The following PTPRD variants were observed in gnomAD, a reference collection of about 807,000 sequenced individuals.
The protein encoded by PTPRD is protein tyrosine phosphatase receptor type D.
Under a neutral mutation model 214.5 loss-of-function variants are expected in PTPRD, and 34 were observed. The ratio of observed to expected loss-of-function variants is 0.16; its 90% CI spans 0.12 to 0.21. PTPRD has a LOEUF of 0.21. Ranked by LOEUF, PTPRD falls within the 10% of genes least tolerant of loss-of-function variation. The pLI, the probability that PTPRD is intolerant of heterozygous loss-of-function variation, is 1.00. For missense variants in PTPRD, 2,545 were observed against 2,398.7 expected, an observed-to-expected ratio of 1.06 and a Z score of -1.27; for synonymous variants, 1,128 against 845.7, an observed-to-expected ratio of 1.33 and a Z score of -5.79.
intron 35 of PTPRD, among the ~76,000 whole-genome samples, chr9:8,425,038 T>A (rs1012689341): frequency 6.6e-6 from 1 of 152,190 alleles, no homozygotes; most frequent in Admixed American, 6.6e-5. Flanking sequence ...CATGGTGGTG[T>A]GCCCAACATT....
intron 2 of PTPRD, among the ~76,000 whole-genome samples, chr9:10,401,171 C>T (rs1038386112): frequency 6.6e-6 from 1 of 151,612 alleles, no homozygotes; most frequent in Non-Finnish European, 1.5e-5. Flanking sequence ...TAAAAATGAC[C>T]GTTTTCTTTT....
chr9:8,710,754 T>C (rs1475123072), intron 12 of PTPRD, among the ~76,000 whole-genome samples: 1 of 152,216 alleles, frequency 6.6e-6, no homozygotes, highest in Non-Finnish European at 1.5e-5. Context: ...ATTAGTATAA[T>C]CTAAATACTT....
intron 10 of PTPRD, among the ~76,000 whole-genome samples, chr9:9,093,138 T>A (rs1457574111): frequency 6.6e-6 from 1 of 152,004 alleles, no homozygotes; most frequent in African/African-American, 2.4e-5. Flanking sequence ...CACATAACAA[T>A]CTTAAATATA....
intron 7 of PTPRD, among the ~76,000 whole-genome samples, chr9:9,729,040 T>C (rs2098139838): frequency 6.6e-6 from 1 of 152,106 alleles, no homozygotes; most frequent in Non-Finnish European, 1.5e-5. Context: ...TAAAATAAAA[T>C]TGTCAAAATA....
Position 9,055,084 on chromosome 9 carries a change from G to A in PTPRD, c.-142-36349C>T, listed in dbSNP as rs75137036. On this transcript the variant is annotated intron_variant, in intron 10 of 45. Coordinates refer to ENST00000381196, the MANE Select transcript of PTPRD (RefSeq NM_002839.4). ...GATATTGGTGCAGCTATATGGAAGA[G>A]TAATTTGGCAATATCCAGTAAAACT... is the stretch of plus-strand genomic sequence containing the variant. Among the ~76,000 whole-genome samples the A allele has an allele frequency of 1.2e-3, 184 of 152,266 alleles. 3 individuals carry two copies. In the East Asian group the frequency reaches 0.023, roughly 19 times the overall value.
At chr9:8,807,373 A>G (rs2096708253) in intron 11 of PTPRD, among the ~76,000 whole-genome samples, 1 of 152,150 alleles carries the variant, frequency 6.6e-6, no homozygotes, top group African/African-American at 2.4e-5. Context: ...TAAGGCTTTA[A>G]AAAGATGAAA....
chr9:10,439,246 G>T (rs1395359660), intron 2 of PTPRD, among the ~76,000 whole-genome samples: 1 of 151,734 alleles, frequency 6.6e-6, no homozygotes, highest in Non-Finnish European at 1.5e-5. Flanking sequence ...TACTTCCCCT[G>T]AATGACTTTT....
intron 6 of PTPRD, among the ~76,000 whole-genome samples, chr9:9,764,815 C>A (rs2098693084): frequency 6.6e-6 from 1 of 152,068 alleles, no homozygotes; most frequent in Admixed American, 6.6e-5. Flanking sequence ...GTCACGATCC[C>A]CCCAACTGCC....
intron 5 of PTPRD, among the ~76,000 whole-genome samples, chr9:9,883,420 A>G (rs923318997): frequency 5.9e-5 from 9 of 152,168 alleles, no homozygotes; most frequent in Non-Finnish European, 1.3e-4. Flanking sequence ...AGAATAGAGA[A>G]TAAGGTGTGA....
Position 8,581,947 on chromosome 9 carries a change from G to GA in PTPRD, c.352+51369dup, listed in dbSNP as rs1355143484. The stretch of plus-strand genomic sequence containing the variant: ...AAAAAAAAAAAAAAAAAAAAAGAGG[G>GA]AAAAAAAGGAGGACAGAGCTATAGA... On this transcript the variant is annotated intron_variant, in intron 14 of 45. Transcript: ENST00000381196. Among the ~76,000 whole-genome samples, 57 of 130,346 alleles carry GA rather than the reference G, an allele frequency of 4.4e-4. 2 individuals carry two copies. The East Asian group carries it at 9.5e-3, about 22-fold the overall frequency. 85.5% of individuals were successfully genotyped at this position (130,346 alleles called of 152,430 possible). A position where few individuals can be genotyped will look rare whatever the true frequency, so the allele number is the denominator to read the frequency against.
chr9:9,631,725 C>A (rs1424842003), intron 7 of PTPRD, among the ~76,000 whole-genome samples: 2 of 152,084 alleles, frequency 1.3e-5, no homozygotes, highest in African/African-American at 4.8e-5. Context: ...ATATTGGACA[C>A]AGCAAAGCAT....
At chr9:8,774,527 CTTTTTTTTTTTTTT>C (rs564318443) in intron 11 of PTPRD, among the ~76,000 whole-genome samples, 2 of 105,226 alleles carry the variant, frequency 1.9e-5, no homozygotes, top group African/African-American at 3.7e-5. Flanking sequence ...TGAAAAGTAA[CTTTTTTTTTTTTTT>C]TTTTTTTTTT....
intron 2 of PTPRD, among the ~76,000 whole-genome samples, chr9:10,461,128 A>C (rs1329129840): frequency 1.3e-5 from 2 of 152,052 alleles, no homozygotes; most frequent in African/African-American, 4.8e-5. Flanking sequence ...AATGTCTAAC[A>C]AGGACATGAA....
chr9:8,783,226 A>G (rs139453884), intron 11 of PTPRD, among the ~76,000 whole-genome samples: 1,993 of 152,320 alleles, frequency 0.013, 46 homozygotes, highest in African/African-American at 0.046. Context: ...TTGTAATTAT[A>G]TAAAAAAGTT....
intron 2 of PTPRD, among the ~76,000 whole-genome samples, chr9:10,517,943 T>A (rs1169690352): frequency 1.3e-5 from 2 of 152,146 alleles, no homozygotes; most frequent in Non-Finnish European, 2.9e-5. Context: ...GTAGAGAGTT[T>A]TGAACAGAGT....
intron 3 of PTPRD, among the ~76,000 whole-genome samples, chr9:10,087,927 A>G (rs1295188606): frequency 6.6e-6 from 1 of 151,706 alleles, no homozygotes; most frequent in Non-Finnish European, 1.5e-5. Flanking sequence ...GACTACTAAT[A>G]CAGGGTCTAG....
At chr9:8,631,722 C>G (rs562068360) in intron 14 of PTPRD, among the ~76,000 whole-genome samples, 92 of 151,980 alleles carry the variant, frequency 6.1e-4, no homozygotes, top group African/African-American at 1.7e-3. Flanking sequence ...AACTCCAGCA[C>G]TAAAGCATAA....
At chr9:9,643,920 T>C (rs1471925372) in intron 7 of PTPRD, among the ~76,000 whole-genome samples, 3 of 152,212 alleles carry the variant, frequency 2.0e-5, no homozygotes, top group South Asian at 2.1e-4. Context: ...ATGTCAGTTA[T>C]ACTCATAGGC....
chr9:10,176,612 A>G (rs2099250096), intron 3 of PTPRD, among the ~76,000 whole-genome samples: 1 of 152,032 alleles, frequency 6.6e-6, no homozygotes, highest in Non-Finnish European at 1.5e-5. Context: ...GTTCTTTTCA[A>G]GCACATAAAT....
Sources: gnomAD v4.1 joint callset for allele counts (sites outside exome capture counted in the v4.1 genomes callset) on GRCh38, gnomAD v4.1.1 for gene constraint, MANE v1.5 for transcripts, NCBI Gene and HGNC (gene_info 2026-07-23, HGNC 2026-07-21) for gene names.